The following GSPT1 variants were observed in gnomAD, a reference collection of about 807,000 sequenced individuals.
GSPT1 encodes the protein G1 to S phase transition 1.
A neutral mutation model predicts 72.5 loss-of-function variants in GSPT1; 20 were observed. The observed-to-expected ratio is 0.28, with a 90% confidence interval of 0.19 to 0.40. The LOEUF (loss-of-function observed/expected upper bound fraction) is 0.40. GSPT1 is among the 10% of genes least tolerant of loss of function. GSPT1 has a pLI of 1.00. For missense variants in GSPT1, 580 were observed against 811.9 expected (o/e 0.71, Z 3.47); for synonymous variants, 334 against 293.5 (o/e 1.14, Z -1.41).
intron 1 of GSPT1, among the ~76,000 whole-genome samples, chr16:11,902,198 T>C (rs112997178): frequency 2.7e-5 from 4 of 150,766 alleles, no homozygotes; most frequent in Non-Finnish European, 5.9e-5. Context: ...CTGGCTAACA[T>C]GGTGAAACCC....
At chr16:11,889,924 A>C (rs2054236964) in intron 6 of GSPT1, among the ~76,000 whole-genome samples, 2 of 151,144 alleles carry the variant, frequency 1.3e-5, no homozygotes, top group South Asian at 4.2e-4. Flanking sequence ...TACAGGCTTG[A>C]GTCACCGCGC....
intron 5 of GSPT1, among the ~76,000 whole-genome samples, chr16:11,893,388 A>G (rs2054294401): frequency 6.6e-6 from 1 of 152,070 alleles, no homozygotes; most frequent in African/African-American, 2.4e-5. Flanking sequence ...GCCTCCCAAA[A>G]TGCTAGGATT....
At position 11,871,007 on chromosome 16, in the gene GSPT1, T is replaced by C. The variant is rs555591553; in HGVS notation, c.*2112A>G. On this transcript the variant is annotated 3_prime_UTR_variant, in exon 15 of 15. Transcript: ENST00000434724. ...TCTCTGGAAGTGATTTCCGTGGCTC[T>C]TGAACTTTTAAATATTCATTAAAAT... The C allele has an allele frequency of 2.0e-5, 3 of 152,338 alleles. No homozygotes were observed. The highest frequency in any genetic ancestry group is 4.4e-5 in the Non-Finnish European group (3 of 68,022). The allele number at this position is 152,338 out of a possible 1,614,324, so 9.4% of individuals were successfully genotyped here.
rs77394863 is a variant in GSPT1 at position 11,875,281 on chromosome 16, A to G, written c.1861+480T>C. On this transcript the variant is annotated intron_variant, in intron 14 of 14. Coordinates refer to ENST00000434724, the MANE Select transcript of GSPT1 (RefSeq NM_002094.4). ...AAAGCTCATAAGGAAACGTTTCATA[A>G]CAATCATTTTGTTTTTATGCCAAAG... Among the ~76,000 whole-genome samples, 1,250 of 152,338 alleles carry G rather than the reference A, an allele frequency of 8.2e-3. 13 individuals are homozygous for G. Among genetic ancestry groups the G allele is most frequent in the African/African-American group, 0.028 (1,183 of 41,590 alleles).
In GSPT1 at chr16:11,894,946, A is replaced by T; in HGVS notation, c.698+8T>A. 6.5e-7 allele frequency: 1 copy of T among 1,538,210 alleles called. No homozygotes were observed. ...AACTCTGTTATTTAACAAAAGATACAGACTTACATTATTTGTCCTCCAATG... is the reference window on the plus strand; with the variant it reads ...AACTCTGTTATTTAACAAAAGATACTGACTTACATTATTTGTCCTCCAATG... On this transcript the variant is annotated splice_region_variant and intron_variant, in intron 5 of 14. Transcript: ENST00000434724.
chr16:11,870,207 T>C lies in GSPT1; in HGVS notation c.*2912A>G, dbSNP rs1458147597. 6.6e-6 allele frequency: 1 copy of C among 152,198 alleles called. No homozygotes were observed. The highest frequency in any genetic ancestry group is 1.5e-5 in the Non-Finnish European group (1 of 68,036). 9.4% of individuals were successfully genotyped at this position (152,198 alleles called of 1,614,324 possible). A position where few individuals can be genotyped will look rare whatever the true frequency, so the allele number is the denominator to read the frequency against. Reference sequence around the variant, plus strand: ...ACAATACACACTCAGTCCAACTCTTTTGGTTTGATTTTACATAGATTTTCA... The same window carrying C: ...ACAATACACACTCAGTCCAACTCTTCTGGTTTGATTTTACATAGATTTTCA... On this transcript the variant is annotated 3_prime_UTR_variant, in exon 15 of 15. Transcript: ENST00000434724.
chr16:11,887,128 T>C (rs972298699), intron 7 of GSPT1, among the ~76,000 whole-genome samples, 197 bp from the exon 8 acceptor site: 1 of 151,708 alleles, frequency 6.6e-6, no homozygotes, highest in African/African-American at 2.4e-5. Flanking sequence ...TCCCCCACAT[T>C]CCCAAAATCT....
At chr16:11,889,389 G>A (rs1274205153) in intron 6 of GSPT1, among the ~76,000 whole-genome samples, 1 of 137,696 alleles carries the variant, frequency 7.3e-6, no homozygotes, top group Non-Finnish European at 1.5e-5. Context: ...CCAGGTTGGA[G>A]TGCAGTGGCA....
chr16:11,873,760 T>C (rs1036733237), intron 14 of GSPT1, among the ~76,000 whole-genome samples: 71 of 151,964 alleles, frequency 4.7e-4, no homozygotes, highest in African/African-American at 1.7e-3. Context: ...TTCTAATTTT[T>C]ATATTTTTAG....
intron 5 of GSPT1, 73 bp downstream of exon 5, chr16:11,894,881 T>C: frequency 1.1e-6 from 1 of 903,354 alleles, no homozygotes. Context: ...TGTGTGACTG[T>C]ATGAAGGTTT....
chr16:11,893,937 T>C (rs555043540), intron 5 of GSPT1, among the ~76,000 whole-genome samples: 11 of 151,928 alleles, frequency 7.2e-5, no homozygotes, highest in African/African-American at 2.7e-4. Context: ...GGCAGACCAC[T>C]TGACCCCAAG....
At chr16:11,911,489 G>T (rs2054555624) in intron 1 of GSPT1, among the ~76,000 whole-genome samples, 1 of 151,520 alleles carries the variant, frequency 6.6e-6, no homozygotes, top group Non-Finnish European at 1.5e-5. Context: ...GGGCTCAAGA[G>T]ATCCTCCCAC....
intron 1 of GSPT1, 100 bp from the exon 2 acceptor site, chr16:11,898,135 C>G (rs913771207): frequency 1.3e-5 from 10 of 745,328 alleles, no homozygotes; most frequent in South Asian, 1.3e-4. Context: ...TAACACGACA[C>G]AAGCCTCAAT....
Position 11,911,754 on chromosome 16 carries a change from G to A in GSPT1, c.352+3615C>T, listed in dbSNP as rs200206036. ...TTTTAATAGAGACAGGTTTCGCCACGTTGGCCAGGCTGGTCTCGAACTCCT... is the reference window on the plus strand; with the variant it reads ...TTTTAATAGAGACAGGTTTCGCCACATTGGCCAGGCTGGTCTCGAACTCCT... On this transcript the variant is annotated intron_variant, in intron 1 of 14. Coordinates refer to ENST00000434724, the MANE Select transcript of GSPT1 (RefSeq NM_002094.4). Among the ~76,000 whole-genome samples the A allele has an allele frequency of 6.0e-5, 9 of 149,984 alleles. No individual in the cohort carries two copies. In the East Asian group the frequency reaches 7.9e-4, roughly 13 times the overall value.
At chr16:11,892,524 A>AAATAAATAAAT (rs61523176) in intron 5 of GSPT1, among the ~76,000 whole-genome samples, 25 of 126,640 alleles carry the variant, frequency 2.0e-4, no homozygotes, top group African/African-American at 6.3e-4. Context: ...CAAAAAAAAC[A>AAATAAATAAAT]AAAAAAACAA....
intron 3 of GSPT1, 76 bp from the exon 4 acceptor site, chr16:11,896,861 C>T (rs2141302335): frequency 1.0e-6 from 1 of 967,726 alleles, no homozygotes; most frequent in South Asian, 1.5e-5. Flanking sequence ...AGCTTTAAAA[C>T]AACAAATGGA....
At position 11,891,109 on chromosome 16, in the gene GSPT1, C is replaced by T. The variant is rs1035217358; in HGVS notation, c.729G>A (p.Thr243=). ...MYLTGMVDKR[T]LEKYEREAKE... ...TAGCTTCTCTTTCATACTTTTCAAG[C>T]GTCCTTTTGTCAACCATTCCAGTCA... is the stretch of plus-strand genomic sequence containing the variant. The change falls in exon 6 of 15, where the codon ACG becomes ACA. Residue 243 remains threonine (T), a synonymous_variant. Transcript: ENST00000434724. 1.1e-5 allele frequency: 17 copies of T among 1,503,438 alleles called. No individual in the cohort carries two copies. The highest frequency in any genetic ancestry group is 8.4e-5 in the Admixed American group (4 of 47,566). The allele number at this position is 1,503,438 out of a possible 1,614,324, so 93.1% of individuals were successfully genotyped here.
upstream of GSPT1, among the ~76,000 whole-genome samples, chr16:11,916,383 G>A (rs2054637971): frequency 6.6e-6 from 1 of 152,186 alleles, no homozygotes; most frequent in Non-Finnish European, 1.5e-5. Flanking sequence ...GACACAGGCT[G>A]GGGGAAAACG....
intron 10 of GSPT1, among the ~76,000 whole-genome samples, chr16:11,883,686 G>A (rs936527581): frequency 3.3e-5 from 5 of 151,774 alleles, no homozygotes; most frequent in African/African-American, 4.8e-5. Context: ...AGGCCGAAGC[G>A]GGTGGATCAC....
Sources: gnomAD v4.1 joint callset for allele counts (sites outside exome capture counted in the v4.1 genomes callset) on GRCh38, gnomAD v4.1.1 for gene constraint, MANE v1.5 for transcripts, NCBI Gene and HGNC (gene_info 2026-07-23, HGNC 2026-07-21) for gene names.